The following GPR19 variants were observed in gnomAD, a reference collection of about 807,000 sequenced individuals.
GPR19 encodes G protein-coupled receptor 19.
In GPR19, 14 loss-of-function variants were observed where a neutral mutation model predicts 28.5. That is an observed-to-expected ratio of 0.49 (90% CI 0.32 to 0.77). GPR19 has a LOEUF of 0.77. Among genes scored for constraint, GPR19 ranks in the 30% least tolerant of loss-of-function variants. The probability of loss-of-function intolerance (pLI) is 0.03; values close to 1 mark genes in which losing one functional copy is unlikely to be tolerated. For synonymous variants in GPR19, 173 were observed against 184.1 expected, an observed-to-expected ratio of 0.94 and a Z score of 0.49; for missense variants, 409 against 504.1, an observed-to-expected ratio of 0.81 and a Z score of 1.81.
the GPR19 span, chr12:12,703,473 C>T: frequency 7.3e-6 from 7 of 958,032 alleles, no homozygotes; most frequent in Non-Finnish European, 8.7e-6. Context: ...ATCAAAGATT[C>T]CCAAGGTCTG....
intron 2 of GPR19, among the ~76,000 whole-genome samples, chr12:12,685,568 C>T (rs1368836227): frequency 1.3e-5 from 2 of 152,136 alleles, no homozygotes; most frequent in Non-Finnish European, 2.9e-5. Flanking sequence ...TGGGAGCCTG[C>T]TGACTAAAGA....
chr12:12,679,758 G>A (rs1181838239), intron 3 of GPR19, among the ~76,000 whole-genome samples: 1 of 152,120 alleles, frequency 6.6e-6, no homozygotes, highest in African/African-American at 2.4e-5. Context: ...TGCTAAGGTT[G>A]AGAAAGCCTG....
At chr12:12,680,440 G>A (rs947641257) in intron 3 of GPR19, among the ~76,000 whole-genome samples, 2 of 152,180 alleles carry the variant, frequency 1.3e-5, no homozygotes, top group African/African-American at 2.4e-5. Context: ...TGCTTTAAAG[G>A]TTTGGCCAAG....
At chr12:12,676,383 G>A (rs1332659730) in intron 3 of GPR19, among the ~76,000 whole-genome samples, 1 of 152,180 alleles carries the variant, frequency 6.6e-6, no homozygotes, top group African/African-American at 2.4e-5. Context: ...TCTGAGATGA[G>A]CTAATTTAAT....
chr12:12,696,447 A>C (rs1279144106), upstream of GPR19, among the ~76,000 whole-genome samples: 2 of 148,944 alleles, frequency 1.3e-5, no homozygotes, highest in Non-Finnish European at 3.0e-5. Context: ...AGGCTAATAT[A>C]ACTAGCCGAC....
rs180694092 is a variant in GPR19 at position 12,680,621 on chromosome 12, C to T, written c.-23+3730G>A. On this transcript the variant is annotated intron_variant, in intron 3 of 3. Transcript: ENST00000651487. ...TCCCAGGCCCATGCAATCTTCCTAC[C>T]TCCGTCTCCCGAGGACCTGGGACCG... 7.3e-4 allele frequency among the ~76,000 whole-genome samples: 111 copies of T among 152,216 alleles called. 1 individual carries two copies. In the East Asian group the frequency reaches 0.021, roughly 28 times the overall value.
chr12:12,710,642 T>G, the GPR19 span, among the ~76,000 whole-genome samples: 11 of 152,124 alleles, frequency 7.2e-5, no homozygotes, highest in Admixed American at 1.3e-4. Context: ...GCTCAAATGG[T>G]CCTTCTGTCT....
At chr12:12,664,591 A>T (rs1459401446) in intron 3 of GPR19, among the ~76,000 whole-genome samples, 1 of 152,148 alleles carries the variant, frequency 6.6e-6, no homozygotes, top group Non-Finnish European at 1.5e-5. Context: ...GGAAAATGAT[A>T]GCCAATGGTA....
intron 3 of GPR19, among the ~76,000 whole-genome samples, chr12:12,663,819 A>G (rs4763295): frequency 6.6e-6 from 1 of 152,040 alleles, no homozygotes; most frequent in Non-Finnish European, 1.5e-5. Flanking sequence ...ACCATTTTGC[A>G]GAGATTCCAT....
At chr12:12,696,734 G>C (rs1032130223), upstream of GPR19, among the ~76,000 whole-genome samples, 3 of 152,206 alleles carry the variant, frequency 2.0e-5, no homozygotes, top group Non-Finnish European at 2.9e-5. Flanking sequence ...GCTGTGTCGC[G>C]GTTCTCGCCG....
At chr12:12,702,123 G>A in the GPR19 span, among the ~76,000 whole-genome samples, 1 of 151,976 alleles carries the variant, frequency 6.6e-6, no homozygotes, top group Non-Finnish European at 1.5e-5. Context: ...ACTGAAGACA[G>A]TGATTGTATT....
intron 2 of GPR19, among the ~76,000 whole-genome samples, chr12:12,692,040 T>C (rs1946188394): frequency 6.6e-6 from 1 of 152,244 alleles, no homozygotes; most frequent in Non-Finnish European, 1.5e-5. Context: ...CTTCTCTTTT[T>C]TCCTGACTTG....
At chr12:12,668,432 G>C (rs1284592478) in intron 3 of GPR19, among the ~76,000 whole-genome samples, 1 of 152,090 alleles carries the variant, frequency 6.6e-6, no homozygotes, top group Non-Finnish European at 1.5e-5. Flanking sequence ...GGACCACAGA[G>C]AGGAATGGGG....
intron 2 of GPR19, among the ~76,000 whole-genome samples, chr12:12,692,872 C>A (rs1946206553): frequency 6.6e-6 from 1 of 152,088 alleles, no homozygotes; most frequent in East Asian, 1.9e-4. Flanking sequence ...AGACAGAGAC[C>A]AATCTGTCTA....
upstream of GPR19, among the ~76,000 whole-genome samples, chr12:12,696,632 A>G (rs556363739): frequency 8.0e-4 from 122 of 152,082 alleles, no homozygotes; most frequent in African/African-American, 2.8e-3. Flanking sequence ...TCCGCTTTTC[A>G]CTCTACGAAA....
At position 12,694,188 on chromosome 12, in the gene GPR19, C is replaced by CTTTTTTTTTTTTTTTT. The variant is rs147543699; in HGVS notation, c.-180+1255_-180+1270dup. On this transcript the variant is annotated intron_variant, in intron 2 of 3. Transcript: ENST00000651487. Reference sequence around the variant, plus strand: ...TGTGTGGGCATGGTAGAGTACCTGTCTTTTTTTTTTTTTTTTTTTTTTTTT... The same window carrying CTTTTTTTTTTTTTTTT: ...TGTGTGGGCATGGTAGAGTACCTGTCTTTTTTTTTTTTTTTTTTTTTTTTTTTTTTTTTTTTTTTTT... Among the ~76,000 whole-genome samples, 43 of 43,850 alleles carry CTTTTTTTTTTTTTTTT rather than the reference C, an allele frequency of 9.8e-4. 7 individuals are homozygous for CTTTTTTTTTTTTTTTT. Among genetic ancestry groups the CTTTTTTTTTTTTTTTT allele is most frequent in the Admixed American group, 2.4e-3 (6 of 2,484 alleles). 28.8% of individuals were successfully genotyped at this position (43,850 alleles called of 152,430 possible). A position where few individuals can be genotyped will look rare whatever the true frequency, so the allele number is the denominator to read the frequency against.
the GPR19 span, among the ~76,000 whole-genome samples, chr12:12,711,086 GATATT>G: frequency 1.3e-5 from 2 of 151,864 alleles, no homozygotes; most frequent in Non-Finnish European, 2.9e-5. Flanking sequence ...GGCAGATCAG[GATATT>G]GAGACCATCC....
chr12:12,709,346 GTC>G, the GPR19 span, among the ~76,000 whole-genome samples: 1 of 152,104 alleles, frequency 6.6e-6, no homozygotes, highest in Non-Finnish European at 1.5e-5. Flanking sequence ...AAACTATGTG[GTC>G]TCTCTTCTCT....
intron 2 of GPR19, among the ~76,000 whole-genome samples, chr12:12,685,354 G>C (rs1193090266): frequency 6.7e-6 from 1 of 149,952 alleles, no homozygotes; most frequent in African/African-American, 2.5e-5. Flanking sequence ...GAAAACCACA[G>C]AAACACATAG....
Sources: gnomAD v4.1 joint callset for allele counts (sites outside exome capture counted in the v4.1 genomes callset) on GRCh38, gnomAD v4.1.1 for gene constraint, MANE v1.5 for transcripts, NCBI Gene and HGNC (gene_info 2026-07-23, HGNC 2026-07-21) for gene names.